Variants in MOCOS observed in about 807,000 individuals in gnomAD.
MOCOS encodes the protein molybdenum cofactor sulfurase, also known as human molybdenum cofactor sulfurase.
Under a neutral mutation model 83.6 loss-of-function variants are expected in MOCOS, and 86 were observed. The observed-to-expected ratio is 1.03, with a 90% CI of 0.86 to 1.23. The LOEUF (loss-of-function observed/expected upper bound fraction) is 1.23, where lower values mean the gene tolerates loss of function less well. Among genes scored for constraint, MOCOS ranks in the 50% most tolerant of loss-of-function variants. MOCOS has a pLI of 0.00. For missense variants in MOCOS, 1,120 were observed against 1,126.9 expected, an observed-to-expected ratio of 0.99 and a Z score of 0.09; for synonymous variants, 445 against 434.7, an observed-to-expected ratio of 1.02 and a Z score of -0.29.
rs111481325 is a variant in MOCOS at position 36,258,688 on chromosome 18, T to A, written c.2271-1349T>A. Among the ~76,000 whole-genome samples, 47 of 152,016 alleles carry A rather than the reference T, an allele frequency of 3.1e-4. 1 individual carries two copies. Among genetic ancestry groups the A allele is most frequent in the African/African-American group, 1.0e-3 (43 of 41,276 alleles). ...ACCAACTTAAGCAATTAAAAATTGA[T>A]TGAAGCACAAAAAAGTGCAAAAGTC... On this transcript the variant is annotated intron_variant, in intron 12 of 14. Transcript: ENST00000261326.
At chr18:36,254,507 G>C (rs943062723) in intron 11 of MOCOS, among the ~76,000 whole-genome samples, 1 of 148,872 alleles carries the variant, frequency 6.7e-6, no homozygotes, top group Non-Finnish European at 1.5e-5. Flanking sequence ...TGTATAGAGA[G>C]AGAGAGAGCG....
chr18:36,236,418 G>A (rs12968711), intron 9 of MOCOS, among the ~76,000 whole-genome samples: 10,274 of 115,076 alleles, frequency 0.089, 356 homozygotes, highest in Non-Finnish European at 0.12. Flanking sequence ...TTTTTCTCAG[G>A]TTTGTCAAAG....
At chr18:36,199,167 T>A (rs2091401716) in intron 3 of MOCOS, among the ~76,000 whole-genome samples, 1 of 152,216 alleles carries the variant, frequency 6.6e-6, no homozygotes, top group Non-Finnish European at 1.5e-5. Context: ...CCCCCCTTTT[T>A]TACTAGTATT....
At chr18:36,263,833 A>G (rs1040463494) in intron 13 of MOCOS, among the ~76,000 whole-genome samples, 1 of 152,378 alleles carries the variant, frequency 6.6e-6, no homozygotes, top group Admixed American at 6.5e-5. Context: ...TAAGAATACC[A>G]GAAAAGAAGC....
intron 12 of MOCOS, 63 bp from the exon 13 acceptor site, chr18:36,259,974 A>C (rs1457684994): frequency 1.2e-6 from 2 of 1,600,110 alleles, no homozygotes; most frequent in Non-Finnish European, 1.7e-6. Flanking sequence ...ATGATGAATT[A>C]TTATAGTGGT....
chr18:36,262,427 A>G (rs1001012453), intron 13 of MOCOS, among the ~76,000 whole-genome samples: 3 of 152,240 alleles, frequency 2.0e-5, no homozygotes, highest in Admixed American at 1.3e-4. Flanking sequence ...CTGTCAGTCA[A>G]TCAGTCAATC....
intron 10 of MOCOS, among the ~76,000 whole-genome samples, chr18:36,250,588 C>T (rs1291054986): frequency 6.6e-6 from 1 of 152,196 alleles, no homozygotes; most frequent in Non-Finnish European, 1.5e-5. Context: ...CCAGTACTTG[C>T]ACCAATGTCA....
intron 9 of MOCOS, among the ~76,000 whole-genome samples, chr18:36,247,584 G>A (rs563840950): frequency 1.3e-5 from 2 of 152,228 alleles, no homozygotes; most frequent in African/African-American, 4.8e-5. Context: ...GGCTCTTCCT[G>A]CTGCTGCTTC....
intron 1 of MOCOS, among the ~76,000 whole-genome samples, chr18:36,188,367 T>TCA (rs1241913664): frequency 6.6e-6 from 1 of 152,212 alleles, no homozygotes; most frequent in Non-Finnish European, 1.5e-5. Flanking sequence ...AACACCAAGA[T>TCA]CACATCGTGC....
At chr18:36,221,953 G>T (rs531561950) in intron 9 of MOCOS, among the ~76,000 whole-genome samples, 1 of 152,044 alleles carries the variant, frequency 6.6e-6, no homozygotes, top group Non-Finnish European at 1.5e-5. Context: ...TCGAACTCCC[G>T]ACCTCAGGTG....
intron 1 of MOCOS, among the ~76,000 whole-genome samples, chr18:36,194,424 A>G (rs1598869062): frequency 1.3e-5 from 2 of 152,328 alleles, no homozygotes; most frequent in African/African-American, 4.8e-5. Flanking sequence ...ATTAGTGTAC[A>G]ATGTTTATTT....
At chr18:36,201,401 C>T (rs1351818558) in intron 4 of MOCOS, among the ~76,000 whole-genome samples, 2 of 152,134 alleles carry the variant, frequency 1.3e-5, no homozygotes, top group Admixed American at 6.5e-5. Context: ...TGGTGGCTCA[C>T]ACCTGTAATC....
At chr18:36,266,273 T>G (rs1214123443) in intron 13 of MOCOS, among the ~76,000 whole-genome samples, 1 of 152,084 alleles carries the variant, frequency 6.6e-6, no homozygotes, top group Non-Finnish European at 1.5e-5. Flanking sequence ...GTAGATGGGA[T>G]TACAGGCATG....
At chr18:36,193,927 T>C (rs1327308513) in intron 1 of MOCOS, among the ~76,000 whole-genome samples, 1 of 152,222 alleles carries the variant, frequency 6.6e-6, no homozygotes, top group Non-Finnish European at 1.5e-5. Flanking sequence ...TAAAATGTGG[T>C]ATATTCATAC....
intron 6 of MOCOS, among the ~76,000 whole-genome samples, chr18:36,205,875 G>C (rs987498449): frequency 2.0e-5 from 3 of 151,926 alleles, no homozygotes; most frequent in African/African-American, 7.3e-5. Flanking sequence ...GAGTAGCTGG[G>C]ATTACAGGCA....
intron 9 of MOCOS, among the ~76,000 whole-genome samples, chr18:36,231,101 A>G (rs1390525398): frequency 6.6e-6 from 1 of 152,204 alleles, no homozygotes; most frequent in Non-Finnish European, 1.5e-5. Context: ...ATCAGGCTAA[A>G]GTAGTTCTTT....
chr18:36,236,077 A>G (rs1193059703), intron 9 of MOCOS, among the ~76,000 whole-genome samples: 3 of 125,226 alleles, frequency 2.4e-5, no homozygotes, highest in Non-Finnish European at 3.4e-5. Flanking sequence ...CCCATTTTGT[A>G]GGTTGCCTGT....
chr18:36,205,164 C>A lies in MOCOS; in HGVS notation c.1106C>A (p.Ala369Asp), dbSNP rs533721204. 6.2e-6 allele frequency: 10 copies of A among 1,613,440 alleles called. No homozygotes were observed. Among genetic ancestry groups the A allele is most frequent in the Admixed American group, 3.3e-5 (2 of 60,000 alleles). ...ALSSLQYPNG[A>D]PVVRIYSDSE... ...TCCTCTCTCCAGTACCCCAATGGAGCCCCTGTGGTGCGGATTTACAGCGAT... is the reference window on the plus strand; with the variant it reads ...TCCTCTCTCCAGTACCCCAATGGAGACCCTGTGGTGCGGATTTACAGCGAT... Residue 369 changes from alanine to aspartate, a missense_variant, in exon 6 of 15, where the codon GCC (alanine) becomes GAC (aspartate). Coordinates refer to ENST00000261326, the MANE Select transcript of MOCOS (RefSeq NM_017947.4).
Position 36,224,159 on chromosome 18 carries a change from A to T in MOCOS, c.1960+3942A>T, listed in dbSNP as rs898035754. Among the ~76,000 whole-genome samples, 16 of 152,246 alleles carry T rather than the reference A, an allele frequency of 1.1e-4. 1 individual carries two copies. Among genetic ancestry groups the T allele is most frequent in the Middle Eastern group, 6.8e-3 (2 of 294 alleles). ...TGTATCCTGCAACTTTACTGAATTCATTTATTAGTTTAACAGTTTTTTAAA... is the reference window on the plus strand; with the variant it reads ...TGTATCCTGCAACTTTACTGAATTCTTTTATTAGTTTAACAGTTTTTTAAA... On this transcript the variant is annotated intron_variant, in intron 9 of 14. Coordinates refer to ENST00000261326, the MANE Select transcript of MOCOS (RefSeq NM_017947.4).
Sources: allele counts gnomAD v4.1 joint callset (sites outside exome capture counted in the v4.1 genomes callset), GRCh38; gene constraint gnomAD v4.1.1; transcripts MANE v1.5; gene names NCBI Gene and HGNC (gene_info 2026-07-23, HGNC 2026-07-21).